BACH2: variants seen among roughly 807,000 people sequenced by gnomAD.
BACH2 encodes the protein transcription regulator protein BACH2.
In BACH2, 5 loss-of-function variants were observed where a neutral mutation model predicts 61.8. The ratio of observed to expected loss-of-function variants is 0.08; its 90% CI spans 0.04 to 0.17. The LOEUF (loss-of-function observed/expected upper bound fraction) is 0.17, where lower values mean the gene tolerates loss of function less well. BACH2 is among the 10% of genes least tolerant of loss of function. The pLI is 1.00. For missense variants in BACH2, 824 were observed against 1,091.1 expected, an observed-to-expected ratio of 0.76 and a Z score of 3.45; for synonymous variants, 446 against 440.1, an observed-to-expected ratio of 1.01 and a Z score of -0.17.
chr6:90,171,500 T>C (rs891953562), intron 4 of BACH2, among the ~76,000 whole-genome samples: 2 of 150,268 alleles, frequency 1.3e-5, no homozygotes, highest in South Asian at 2.1e-4. Flanking sequence ...CAAATCCAAA[T>C]AGGGTAAAAA....
At chr6:90,284,245 G>A (rs1771948335) in intron 1 of BACH2, among the ~76,000 whole-genome samples, 1 of 152,152 alleles carries the variant, frequency 6.6e-6, no homozygotes, top group Admixed American at 6.5e-5. Flanking sequence ...GTCCCCATAT[G>A]TAGACATACG....
chr6:90,081,266 T>C (rs559186056), intron 5 of BACH2, among the ~76,000 whole-genome samples: 2 of 152,292 alleles, frequency 1.3e-5, no homozygotes, highest in South Asian at 4.2e-4. Flanking sequence ...TTAAATGACA[T>C]GCCCATCACT....
intron 7 of BACH2, among the ~76,000 whole-genome samples, chr6:89,940,569 G>A (rs1048246630): frequency 5.9e-5 from 9 of 152,194 alleles, no homozygotes; most frequent in African/African-American, 1.4e-4. Flanking sequence ...AAGAGACAAC[G>A]TGTGGGTTAG....
intron 6 of BACH2, among the ~76,000 whole-genome samples, chr6:89,982,560 G>A (rs1012090639): frequency 1.4e-4 from 21 of 152,172 alleles, no homozygotes; most frequent in African/African-American, 5.1e-4. Flanking sequence ...TTTTCTGAAA[G>A]GCACATATAA....
intron 3 of BACH2, among the ~76,000 whole-genome samples, chr6:90,248,065 C>G (rs528842781): frequency 6.6e-6 from 1 of 152,188 alleles, no homozygotes; most frequent in African/African-American, 2.4e-5. Flanking sequence ...GAGAAAGGCA[C>G]TAATTTTATT....
chr6:90,286,654 T>G (rs1772025539), intron 1 of BACH2, among the ~76,000 whole-genome samples: 1 of 152,212 alleles, frequency 6.6e-6, no homozygotes, highest in Non-Finnish European at 1.5e-5. Flanking sequence ...AGGGACACAG[T>G]CTTCCAAGTG....
At chr6:90,159,132 T>C (rs1316304184) in intron 4 of BACH2, among the ~76,000 whole-genome samples, 1 of 152,218 alleles carries the variant, frequency 6.6e-6, no homozygotes, top group East Asian at 1.9e-4. Flanking sequence ...ACTTGTCTCT[T>C]TTGAAATGAG....
At chr6:90,221,670 A>G (rs1025871289) in intron 3 of BACH2, among the ~76,000 whole-genome samples, 2 of 152,126 alleles carry the variant, frequency 1.3e-5, no homozygotes, top group African/African-American at 2.4e-5. Flanking sequence ...CTGCTTGAGG[A>G]AATAGGGCGT....
chr6:90,022,860 T>A (rs1389925240), intron 5 of BACH2, among the ~76,000 whole-genome samples: 1 of 152,208 alleles, frequency 6.6e-6, no homozygotes, highest in Non-Finnish European at 1.5e-5. Flanking sequence ...AATAATTCCA[T>A]GCCTAGGTTA....
At chr6:90,238,322 C>T (rs374281267) in intron 3 of BACH2, among the ~76,000 whole-genome samples, 3 of 152,116 alleles carry the variant, frequency 2.0e-5, no homozygotes, top group Non-Finnish European at 2.9e-5. Context: ...AGACATATTT[C>T]GATAGTGGTT....
chr6:90,290,128 G>A (rs915447643), intron 1 of BACH2, among the ~76,000 whole-genome samples: 2 of 152,108 alleles, frequency 1.3e-5, no homozygotes, highest in Admixed American at 6.5e-5. Flanking sequence ...ACTCCAAAGG[G>A]CCAAAGATAG....
intron 4 of BACH2, among the ~76,000 whole-genome samples, chr6:90,203,391 C>CA (rs34539345): frequency 0.028 from 1,667 of 59,374 alleles, 5 homozygotes; most frequent in East Asian, 0.034. Flanking sequence ...TCTCTCTCTC[C>CA]AAAAAAAAAA....
chr6:90,084,459 A>G (rs1304454648), intron 5 of BACH2, among the ~76,000 whole-genome samples: 1 of 152,010 alleles, frequency 6.6e-6, no homozygotes, highest in Non-Finnish European at 1.5e-5. Context: ...GTGGATGTCA[A>G]AGATGAATAA....
At chr6:90,077,303 T>G (rs968286339) in intron 5 of BACH2, among the ~76,000 whole-genome samples, 2 of 152,162 alleles carry the variant, frequency 1.3e-5, no homozygotes, top group African/African-American at 4.8e-5. Flanking sequence ...TAATGGGGAA[T>G]ATATGAGTGT....
At chr6:90,062,714 T>C (rs556125064) in intron 5 of BACH2, among the ~76,000 whole-genome samples, 1 of 151,834 alleles carries the variant, frequency 6.6e-6, no homozygotes, top group Admixed American at 6.6e-5. Context: ...ACAGATCTTA[T>C]CTTGTATCAT....
chr6:89,976,995 G>A (rs994184267), intron 6 of BACH2, among the ~76,000 whole-genome samples: 9 of 152,120 alleles, frequency 5.9e-5, no homozygotes, highest in South Asian at 2.1e-4. Context: ...AGGTCCTGCC[G>A]ATAAGTAATA....
chr6:90,296,032 GGGGCCGGGACACCCGGGCCTCGCC>G (rs1475214119), intron 1 of BACH2, among the ~76,000 whole-genome samples: 32 of 152,164 alleles, frequency 2.1e-4, no homozygotes, highest in East Asian at 1.6e-3. Context: ...TCGCAGGCTG[GGGGCCGGGACACCCGGGCCTCGCC>G]GGGCCGGGGG....
intron 4 of BACH2, among the ~76,000 whole-genome samples, chr6:90,100,906 C>G (rs370519282): frequency 2.6e-5 from 4 of 152,194 alleles, no homozygotes; most frequent in Non-Finnish European, 5.9e-5. Context: ...CACATCCTCA[C>G]CAACACTTAT....
intron 7 of BACH2, among the ~76,000 whole-genome samples, chr6:89,945,031 G>A (rs1201292311): frequency 6.6e-6 from 1 of 152,166 alleles, no homozygotes; most frequent in Non-Finnish European, 1.5e-5. Flanking sequence ...ACAAGTGTTG[G>A]CGAGGATGCA....
Sources: gnomAD v4.1 joint callset for allele counts (sites outside exome capture counted in the v4.1 genomes callset) on GRCh38, gnomAD v4.1.1 for gene constraint, MANE v1.5 for transcripts, NCBI Gene and HGNC (gene_info 2026-07-23, HGNC 2026-07-21) for gene names.